The following CTNNA3 variants were observed in gnomAD, a reference collection of about 807,000 sequenced individuals.
CTNNA3 encodes catenin alpha-3.
A neutral mutation model predicts 95.7 loss-of-function variants in CTNNA3; 76 were observed. The observed-to-expected ratio is 0.79, with a 90% CI of 0.66 to 0.96. The LOEUF is 0.96. CTNNA3 is among the 40% of genes least tolerant of loss of function. The probability of loss-of-function intolerance (pLI) is 0.00; values close to 1 mark genes in which losing one functional copy is unlikely to be tolerated. For synonymous variants in CTNNA3, 431 were observed against 374.4 expected, an observed-to-expected ratio of 1.15 and a Z score of -1.74; for missense variants, 1,191 against 1,089.8, an observed-to-expected ratio of 1.09 and a Z score of -1.31.
chr10:67,090,606 T>A (rs1264121643), intron 7 of CTNNA3, among the ~76,000 whole-genome samples: 1 of 152,110 alleles, frequency 6.6e-6, no homozygotes, highest in Non-Finnish European at 1.5e-5. Flanking sequence ...AAGTCTTCCT[T>A]TTCTCAACTG....
intron 9 of CTNNA3, among the ~76,000 whole-genome samples, chr10:66,712,159 G>C (rs1848316185): frequency 6.6e-6 from 1 of 152,118 alleles, no homozygotes; most frequent in African/African-American, 2.4e-5. Context: ...GCAAATCTTA[G>C]AAAGGGAAGG....
At chr10:66,046,805 G>T (rs940264939) in intron 15 of CTNNA3, among the ~76,000 whole-genome samples, 2 of 151,912 alleles carry the variant, frequency 1.3e-5, no homozygotes, top group African/African-American at 4.8e-5. Flanking sequence ...TGGCCCCACA[G>T]AAATAAAAAG....
Position 67,709,202 on chromosome 10 carries a change from A to G in CTNNA3, c.-2+54232T>C, listed in dbSNP as rs181313170. Among the ~76,000 whole-genome samples, 258 of 152,210 alleles carry G rather than the reference A, an allele frequency of 1.7e-3. 2 individuals carry two copies. The highest frequency in any genetic ancestry group is 2.9e-3 in the Non-Finnish European group (194 of 68,006). ...CATGATTTTTCTATAATAGTGCACA[A>G]CTCTTGATATAATACAGAACAAAAT... On this transcript the variant is annotated intron_variant, in intron 1 of 17. Coordinates refer to the CTNNA3 transcript ENST00000684154.
intron 17 of CTNNA3, among the ~76,000 whole-genome samples, chr10:65,946,202 AT>A (rs1480887179): frequency 3.3e-5 from 5 of 152,168 alleles, no homozygotes; most frequent in Admixed American, 3.3e-4. Flanking sequence ...ATGTCAATGC[AT>A]TTTAAATATT....
At chr10:66,399,385 A>G (rs2093002910) in intron 11 of CTNNA3, among the ~76,000 whole-genome samples, 1 of 151,940 alleles carries the variant, frequency 6.6e-6, no homozygotes, top group African/African-American at 2.4e-5. Flanking sequence ...TTAACAGAAA[A>G]AAACCACAAG....
chr10:66,158,634 C>G (rs1030618249), intron 13 of CTNNA3, among the ~76,000 whole-genome samples: 1 of 151,914 alleles, frequency 6.6e-6, no homozygotes, highest in Non-Finnish European at 1.5e-5. Flanking sequence ...TATGCAGGCT[C>G]TTTTTTGGTT....
rs149468550 is a variant in CTNNA3 at position 66,358,307 on chromosome 10, T to G, written c.1732+20845A>C. ...TTTTTTGTCCATGCTTGGTGTGCACTTCCCAGATTCAGCTTGCAGAAGAGT... is the reference window on the plus strand; with the variant it reads ...TTTTTTGTCCATGCTTGGTGTGCACGTCCCAGATTCAGCTTGCAGAAGAGT... On this transcript the variant is annotated intron_variant, in intron 12 of 17. Transcript: ENST00000433211. Among the ~76,000 whole-genome samples the G allele has an allele frequency of 7.6e-3, 1,149 of 152,096 alleles. 11 individuals carry two copies. Among genetic ancestry groups the G allele is most frequent in the African/African-American group, 0.025 (1,056 of 41,476 alleles).
At chr10:65,951,279 G>T (rs2077607055) in intron 17 of CTNNA3, among the ~76,000 whole-genome samples, 1 of 152,108 alleles carries the variant, frequency 6.6e-6, no homozygotes, top group Non-Finnish European at 1.5e-5. Flanking sequence ...GTAAAACAAA[G>T]AAGAATAAGA....
At chr10:66,771,947 T>C (rs993183720) in intron 8 of CTNNA3, among the ~76,000 whole-genome samples, 6 of 151,992 alleles carry the variant, frequency 3.9e-5, no homozygotes. Context: ...AGCAAAGGTT[T>C]CATGGAAGCA....
At chr10:66,097,792 C>T (rs767315244) in intron 14 of CTNNA3, among the ~76,000 whole-genome samples, 23 of 152,096 alleles carry the variant, frequency 1.5e-4, no homozygotes, top group African/African-American at 2.7e-4. Flanking sequence ...GTCTCTACTA[C>T]GACTGCTGCC....
intron 10 of CTNNA3, among the ~76,000 whole-genome samples, chr10:66,533,402 A>G (rs1841538831): frequency 6.6e-6 from 1 of 152,074 alleles, no homozygotes; most frequent in Admixed American, 6.6e-5. Flanking sequence ...TATCAAATCT[A>G]GGTCAGGTTC....
chr10:66,590,247 TGA>T (rs749916421), intron 10 of CTNNA3, among the ~76,000 whole-genome samples: 57 of 152,200 alleles, frequency 3.7e-4, no homozygotes, highest in Admixed American at 1.4e-3. Context: ...CTGAAGAATC[TGA>T]GAGTTTAAGG....
At chr10:66,382,641 C>G (rs2092850934) in intron 11 of CTNNA3, among the ~76,000 whole-genome samples, 1 of 152,168 alleles carries the variant, frequency 6.6e-6, no homozygotes, top group Non-Finnish European at 1.5e-5. Context: ...TAAGTGGGTC[C>G]CTGACCTCTG....
chr10:66,726,958 C>A (rs543228889), intron 9 of CTNNA3, among the ~76,000 whole-genome samples: 2 of 152,110 alleles, frequency 1.3e-5, no homozygotes, highest in East Asian at 3.9e-4. Context: ...AACTATAAAT[C>A]ATGTCAACAA....
At chr10:67,079,984 A>G (rs1856966095) in intron 7 of CTNNA3, among the ~76,000 whole-genome samples, 1 of 152,004 alleles carries the variant, frequency 6.6e-6, no homozygotes. Flanking sequence ...CTGTAGTTAG[A>G]GGAGGGTGGT....
chr10:66,713,549 C>T (rs1377036161), intron 9 of CTNNA3, among the ~76,000 whole-genome samples: 1 of 151,960 alleles, frequency 6.6e-6, no homozygotes, highest in Non-Finnish European at 1.5e-5. Flanking sequence ...TTGCTGGTTC[C>T]CTACTAATAG....
intron 7 of CTNNA3, among the ~76,000 whole-genome samples, chr10:66,865,201 TGTGTGTGTGTGC>T (rs1440440517): frequency 1.9e-5 from 2 of 106,624 alleles, no homozygotes; most frequent in Admixed American, 2.0e-4. Context: ...AGGCATGGGG[TGTGTGTGTGTGC>T]GTGTGTGTGT....
rs373037391 is a variant in CTNNA3 at position 66,886,267 on chromosome 10, T to C, written c.1048-110743A>G. On this transcript the variant is annotated intron_variant, in intron 7 of 17. Transcript: ENST00000433211. The stretch of plus-strand genomic sequence containing the variant: ...CCACTTATAAGCTCAACAGACCTGG[T>C]CTCTTATTGCGAGAAACCCATTTGT... Among the ~76,000 whole-genome samples, 8 of 152,204 alleles carry C rather than the reference T, an allele frequency of 5.3e-5. 1 individual carries two copies. The highest frequency in any genetic ancestry group is 1.9e-4 in the African/African-American group (8 of 41,552).
At chr10:67,107,736 C>CA (rs1310757171) in intron 7 of CTNNA3, among the ~76,000 whole-genome samples, 5 of 148,068 alleles carry the variant, frequency 3.4e-5, no homozygotes, top group African/African-American at 1.3e-4. Context: ...GATAGTGAGA[C>CA]AGCCAGGTGT....
Sources: gnomAD v4.1 joint callset for allele counts (sites outside exome capture counted in the v4.1 genomes callset) on GRCh38, gnomAD v4.1.1 for gene constraint, MANE v1.5 for transcripts, NCBI Gene and HGNC (gene_info 2026-07-23, HGNC 2026-07-21) for gene names.